The following JMJD1C variants were observed in gnomAD, a reference collection of about 807,000 sequenced individuals.
JMJD1C encodes the protein jumonji domain containing 1C.
In JMJD1C, 31 loss-of-function variants were observed where a neutral mutation model predicts 245.3. The observed-to-expected ratio is 0.13, with a 90% CI of 0.09 to 0.17. The LOEUF is 0.17. Among genes scored for constraint, JMJD1C ranks in the 10% least tolerant of loss-of-function variants. The probability of loss-of-function intolerance (pLI) is 1.00; values close to 1 mark genes in which losing one functional copy is unlikely to be tolerated. For synonymous variants in JMJD1C, 1,057 were observed against 1,017.4 expected, an observed-to-expected ratio of 1.04 and a Z score of -0.74; for missense variants, 2,691 against 3,000.2, an observed-to-expected ratio of 0.90 and a Z score of 2.41.
At chr10:63,249,277 T>C (rs779913484) in intron 3 of JMJD1C, among the ~76,000 whole-genome samples, 11 of 151,932 alleles carry the variant, frequency 7.2e-5, no homozygotes, top group Non-Finnish European at 1.5e-4. Context: ...GGTTGCACCA[T>C]TGCACTTCAG....
At chr10:63,191,208 T>C (rs1461443602) in intron 16 of JMJD1C, 100 bp from the exon 17 acceptor site, 1 of 805,898 alleles carries the variant, frequency 1.2e-6, no homozygotes, top group South Asian at 1.6e-5. Flanking sequence ...CTCGGCTCAC[T>C]GCAACCTCTG....
At chr10:63,169,301 T>C (rs1218238039) in intron 24 of JMJD1C, among the ~76,000 whole-genome samples, 1 of 152,190 alleles carries the variant, frequency 6.6e-6, no homozygotes, top group Non-Finnish European at 1.5e-5. Flanking sequence ...ACTTGACTAT[T>C]AGAGCTGCTT....
At chr10:63,505,162 A>T (rs923114712) in intron 1 of JMJD1C, among the ~76,000 whole-genome samples, 3 of 152,000 alleles carry the variant, frequency 2.0e-5, no homozygotes, top group Admixed American at 1.3e-4. Context: ...AATATTTTTT[A>T]AAAAATTAGC....
At chr10:63,282,421 G>C (rs1161838466) in intron 2 of JMJD1C, among the ~76,000 whole-genome samples, 1 of 152,138 alleles carries the variant, frequency 6.6e-6, no homozygotes, top group Non-Finnish European at 1.5e-5. Flanking sequence ...ATTTCTTTAA[G>C]TATTGGTAAC....
At chr10:63,368,504 T>C (rs1946037334) in intron 2 of JMJD1C, among the ~76,000 whole-genome samples, 1 of 152,158 alleles carries the variant, frequency 6.6e-6, no homozygotes, top group Non-Finnish European at 1.5e-5. Context: ...ACTGTAACTA[T>C]ACCTATCCAT....
At chr10:63,434,649 G>A (rs1280480884) in intron 1 of JMJD1C, among the ~76,000 whole-genome samples, 3 of 152,050 alleles carry the variant, frequency 2.0e-5, no homozygotes, top group Non-Finnish European at 2.9e-5. Flanking sequence ...AGGCCAAGGC[G>A]GGAAGGATCA....
At chr10:63,234,493 TAAAAAAAAAAAAA>T (rs71025129) in intron 3 of JMJD1C, among the ~76,000 whole-genome samples, 26 of 37,038 alleles carry the variant, frequency 7.0e-4, no homozygotes, top group East Asian at 3.7e-3. Context: ...AACCTCCTCT[TAAAAAAAAAAAAA>T]AAAAAAAAAA....
chr10:63,354,030 G>A (rs534996089), intron 2 of JMJD1C, among the ~76,000 whole-genome samples: 1 of 152,130 alleles, frequency 6.6e-6, no homozygotes, highest in African/African-American at 2.4e-5. Context: ...TAGTAAAGAC[G>A]GGGTTTCACC....
intron 2 of JMJD1C, among the ~76,000 whole-genome samples, chr10:63,360,999 C>T (rs1289332993): frequency 1.3e-5 from 2 of 152,074 alleles, no homozygotes; most frequent in African/African-American, 4.8e-5. Context: ...CCATTATCTT[C>T]GTCATTACAA....
chr10:63,333,548 G>T (rs1444688227), intron 2 of JMJD1C, among the ~76,000 whole-genome samples: 1 of 152,026 alleles, frequency 6.6e-6, no homozygotes, highest in Non-Finnish European at 1.5e-5. Context: ...AAAGAAAAAA[G>T]AGAGAGAAAG....
chr10:63,230,779 C>CA (rs199988725), intron 3 of JMJD1C, among the ~76,000 whole-genome samples: 4,215 of 150,402 alleles, frequency 0.028, 147 homozygotes, highest in East Asian at 0.19. Context: ...TCCCCCCCCC[C>CA]AAAAAAAATA....
chr10:63,445,311 A>G (rs1951644924), intron 1 of JMJD1C, among the ~76,000 whole-genome samples: 1 of 152,198 alleles, frequency 6.6e-6, no homozygotes, highest in Non-Finnish European at 1.5e-5. Context: ...CAGAGGAGGG[A>G]AGAGGTCAAT....
At chr10:63,497,633 T>C (rs4746149) in intron 1 of JMJD1C, among the ~76,000 whole-genome samples, 20,775 of 152,250 alleles carry the variant, frequency 0.14, 2,085 homozygotes, top group Admixed American at 0.29. Context: ...GTGAATTACA[T>C]GGTATGTGAA....
intron 1 of JMJD1C, among the ~76,000 whole-genome samples, chr10:63,514,928 G>A (rs1417076239): frequency 6.6e-6 from 1 of 151,690 alleles, no homozygotes; most frequent in Non-Finnish European, 1.5e-5. Flanking sequence ...TTTGTTAAAG[G>A]TGGACATAAT....
At chr10:63,260,901 C>T (rs1854639982) in intron 3 of JMJD1C, among the ~76,000 whole-genome samples, 1 of 151,986 alleles carries the variant, frequency 6.6e-6, no homozygotes, top group Admixed American at 6.6e-5. Context: ...TAACAAAAAA[C>T]TATTAAAAGT....
At chr10:63,305,488 CTCTCTCTG>C (rs1938010664) in intron 2 of JMJD1C, among the ~76,000 whole-genome samples, 1 of 145,752 alleles carries the variant, frequency 6.9e-6, no homozygotes, top group African/African-American at 2.5e-5. Context: ...CTCTCTCTCT[CTCTCTCTG>C]GAGGCAAGGT....
chr10:63,521,549 G>A, intron 1 of JMJD1C: 12 of 1,436,750 alleles, frequency 8.4e-6, no homozygotes, highest in Non-Finnish European at 1.1e-5. Context: ...CGTGAAGATG[G>A]TGTCCTGGAT....
At chr10:63,518,694 A>G (rs1037940766) in intron 1 of JMJD1C, among the ~76,000 whole-genome samples, 2 of 152,266 alleles carry the variant, frequency 1.3e-5, no homozygotes, top group Non-Finnish European at 2.9e-5. Context: ...CATGAAAGTC[A>G]GGCAGATATT....
At position 63,316,649 on chromosome 10, in the gene JMJD1C, T is replaced by C. The variant is rs188805716; in HGVS notation, c.334-51885A>G. Among the ~76,000 whole-genome samples the C allele has an allele frequency of 1.6e-3, 241 of 152,306 alleles. 1 individual carries two copies. Among genetic ancestry groups the C allele is most frequent in the African/African-American group, 4.3e-3 (177 of 41,576 alleles). ...TTTTAGTAGAGATGGGGTTTCACCATGTTGGCCAAGTTGGTCTTGAACTCC... is the reference window on the plus strand; with the variant it reads ...TTTTAGTAGAGATGGGGTTTCACCACGTTGGCCAAGTTGGTCTTGAACTCC... On this transcript the variant is annotated intron_variant, in intron 2 of 25. Transcript: ENST00000399262.
Sources: allele counts gnomAD v4.1 joint callset (sites outside exome capture counted in the v4.1 genomes callset), GRCh38; gene constraint gnomAD v4.1.1; transcripts MANE v1.5; gene names NCBI Gene and HGNC (gene_info 2026-07-23, HGNC 2026-07-21).